The following PSEN2 variants were observed in gnomAD, a reference collection of about 807,000 sequenced individuals.
PSEN2 encodes presenilin-2.
Under a neutral mutation model 49.1 loss-of-function variants are expected in PSEN2, and 32 were observed. The ratio of observed to expected loss-of-function variants is 0.65; its 90% CI spans 0.49 to 0.88. The LOEUF (loss-of-function observed/expected upper bound fraction) is 0.88. Among genes scored for constraint, PSEN2 ranks in the 40% least tolerant of loss-of-function variants. PSEN2 has a pLI of 0.00. For missense variants in PSEN2, 522 were observed against 586.9 expected (o/e 0.89, Z 1.14); for synonymous variants, 255 against 244.0 (o/e 1.05, Z -0.42).
chr1:226,886,467 A>C (rs971391240), intron 6 of PSEN2, among the ~76,000 whole-genome samples: 4 of 152,222 alleles, frequency 2.6e-5, no homozygotes, highest in Non-Finnish European at 5.9e-5. Context: ...CCATCTGGCC[A>C]GAATCATGGG....
At chr1:226,892,836 A>G (rs1160377375) in intron 11 of PSEN2, among the ~76,000 whole-genome samples, 1 of 152,146 alleles carries the variant, frequency 6.6e-6, no homozygotes, top group Non-Finnish European at 1.5e-5. Flanking sequence ...ACCGGCTGCA[A>G]ATTTAGGGCT....
Position 226,889,018 on chromosome 1 carries a change from G to A in PSEN2, c.756G>A (p.Ala252=), listed in dbSNP as rs147702142. 1.7e-5 allele frequency: 27 copies of A among 1,613,946 alleles called. No individual in the cohort carries two copies. The highest frequency in any genetic ancestry group is 2.7e-5 in the African/African-American group (2 of 74,908). ...VFIKYLPEWS[A]WVILGAISVY... is the part of the protein sequence containing the mutation. ...TCAAGTACCTCCCAGAGTGGTCCGC[G>A]TGGGTCATCCTGGGCGCCATCTCTG... Residue 252 remains alanine, a synonymous_variant, in exon 8 of 13, where the codon GCG becomes GCA. Transcript: ENST00000366783.
chr1:226,882,549 A>G (rs750317420), intron 4 of PSEN2, among the ~76,000 whole-genome samples: 7 of 152,170 alleles, frequency 4.6e-5, no homozygotes, highest in South Asian at 2.1e-4. Context: ...AGAGTAGGAT[A>G]TCGTTGGGAG....
chr1:226,896,741 G>T (rs1662163723), downstream of PSEN2, among the ~76,000 whole-genome samples: 1 of 152,008 alleles, frequency 6.6e-6, no homozygotes, highest in Non-Finnish European at 1.5e-5. Context: ...TGCATCTGTA[G>T]TCTCAGCTAC....
rs146718524 is a variant in PSEN2, at chr1:226,883,857, C to T, written c.294C>T (p.Cys98=). 16 of 1,613,526 alleles carry T rather than the reference C, an allele frequency of 9.9e-6. No individual in the cohort carries two copies. The African/African-American group carries it at 1.6e-4, about 16-fold the overall frequency. The change falls in exon 5 of 13, where the codon TGC becomes TGT. Residue 98 remains cysteine (C), a synonymous_variant. Transcript: ENST00000366783. The stretch of plus-strand genomic sequence containing the variant: ...TGCTGTTTGTGCCTGTCACTCTGTG[C>T]ATGATCGTGGTGGTAGCCACCATCA... ...VIMLFVPVTL[C]MIVVVATIKS...
downstream of PSEN2, among the ~76,000 whole-genome samples, chr1:226,899,900 C>T (rs148972032): frequency 2.7e-3 from 404 of 152,316 alleles, 3 homozygotes; most frequent in Non-Finnish European, 3.9e-3. Flanking sequence ...CAAAGTTGCA[C>T]ACAGCACTTT....
chr1:226,880,786 GC>G (rs1660939837), intron 3 of PSEN2: 1 of 1,607,638 alleles, frequency 6.2e-7, no homozygotes. Context: ...GTTTTAGGGG[GC>G]AGGCTTCCCT....
chr1:226,871,786 C>G (rs1029986491), intron 2 of PSEN2, among the ~76,000 whole-genome samples: 3 of 152,346 alleles, frequency 2.0e-5, no homozygotes, highest in Admixed American at 2.0e-4. Context: ...TCGGGATAAG[C>G]TGCTTCAGGT....
chr1:226,882,699 C>T (rs1661078945), intron 4 of PSEN2, among the ~76,000 whole-genome samples: 1 of 152,172 alleles, frequency 6.6e-6, no homozygotes, highest in Admixed American at 6.5e-5. Context: ...CTTAATCCTG[C>T]TTGCTGAAAT....
chr1:226,894,736 C>T (rs745753807), intron 12 of PSEN2, among the ~76,000 whole-genome samples: 5 of 152,310 alleles, frequency 3.3e-5, no homozygotes, highest in East Asian at 1.9e-4. Flanking sequence ...CTGAGCCGTG[C>T]GCTTGGCATC....
intron 3 of PSEN2, among the ~76,000 whole-genome samples, chr1:226,878,329 C>T (rs906069618): frequency 2.6e-5 from 4 of 152,120 alleles, no homozygotes; most frequent in Non-Finnish European, 5.9e-5. Context: ...ATCTGCCCAC[C>T]TCAGACAGGC....
downstream of PSEN2, chr1:226,898,542 G>A (rs748223848): frequency 1.3e-5 from 2 of 152,134 alleles, no homozygotes; most frequent in Non-Finnish European, 2.9e-5. Context: ...TGATTGGATG[G>A]GTGTCATTTC....
At chr1:226,888,743 G>A (rs1249016974) in intron 7 of PSEN2, 86 bp from the exon 8 acceptor site, 5 of 1,156,238 alleles carry the variant, frequency 4.3e-6, no homozygotes, top group Non-Finnish European at 6.5e-6. Flanking sequence ...AGTAAAGAGG[G>A]CCAGGTTGGG....
At chr1:226,901,242 C>T (rs1432418361), downstream of PSEN2, among the ~76,000 whole-genome samples, 1 of 151,998 alleles carries the variant, frequency 6.6e-6, no homozygotes, top group African/African-American at 2.4e-5. Flanking sequence ...TCGAGACCAG[C>T]CTGGCCGACA....
intron 9 of PSEN2, among the ~76,000 whole-genome samples, 183 bp downstream of exon 9, chr1:226,890,316 G>C (rs937769303): frequency 6.6e-6 from 1 of 152,194 alleles, no homozygotes; most frequent in Admixed American, 6.5e-5. Flanking sequence ...AGAAAGTTAG[G>C]ACAGGAAGCA....
At chr1:226,891,233 C>T (rs781146542) in intron 9 of PSEN2, 45 bp from the exon 10 acceptor site, 7 of 1,569,002 alleles carry the variant, frequency 4.5e-6, no homozygotes, top group Non-Finnish European at 6.1e-6. Flanking sequence ...TGCAGGCAGC[C>T]ACTGTTAGCA....
rs549584732 is a variant in PSEN2, at chr1:226,896,083, A to G, written c.*504A>G. On this transcript the variant is annotated 3_prime_UTR_variant, in exon 13 of 13. Transcript: ENST00000366783. The stretch of plus-strand genomic sequence containing the variant: ...GCTTAATAGTAATATCAATAAATAG[A>G]TGAGTCCTGTTAGAATCTTGGAGTT... 1 of 183,214 alleles carries G rather than the reference A, an allele frequency of 5.5e-6. No individual in the cohort carries two copies. Among genetic ancestry groups the G allele is most frequent in the East Asian group, 1.3e-4 (1 of 7,478 alleles). The allele number at this position is 183,214 out of a possible 1,614,324, so 11.3% of individuals were successfully genotyped here.
At chr1:226,887,955 C>T (rs1467562447) in intron 6 of PSEN2, 136 bp from the exon 7 acceptor site, 1 of 775,422 alleles carries the variant, frequency 1.3e-6, no homozygotes, top group Admixed American at 1.9e-5. Context: ...AGGTGGCCAC[C>T]TGATCCCTTC....
At chr1:226,902,468 C>A (rs1469168134) in intron 12 of PSEN2, among the ~76,000 whole-genome samples, 1 of 152,114 alleles carries the variant, frequency 6.6e-6, no homozygotes, top group Non-Finnish European at 1.5e-5. Flanking sequence ...GTAGGGAAGA[C>A]CTCCCCTTGC....
Sources: allele counts gnomAD v4.1 joint callset (sites outside exome capture counted in the v4.1 genomes callset), GRCh38; gene constraint gnomAD v4.1.1; transcripts MANE v1.5; gene names NCBI Gene and HGNC (gene_info 2026-07-23, HGNC 2026-07-21).